TMEM232: variants seen among roughly 807,000 people sequenced by gnomAD.
The protein encoded by TMEM232 is transmembrane protein 232.
In TMEM232, 80 loss-of-function variants were observed where a neutral mutation model predicts 78.8. The observed-to-expected ratio is 1.01, with a 90% CI of 0.85 to 1.22. The LOEUF (loss-of-function observed/expected upper bound fraction) is 1.22, where lower values mean the gene tolerates loss of function less well. Ranked by LOEUF, TMEM232 falls within the 50% of genes most tolerant of loss-of-function variation. The probability of loss-of-function intolerance (pLI) is 0.00; values close to 1 mark genes in which losing one functional copy is unlikely to be tolerated. For synonymous variants in TMEM232, 297 were observed against 254.3 expected, an observed-to-expected ratio of 1.17 and a Z score of -1.60; for missense variants, 881 against 742.2, an observed-to-expected ratio of 1.19 and a Z score of -2.17.
intron 1 of TMEM232, among the ~76,000 whole-genome samples, chr5:110,669,411 C>A (rs1791064633): frequency 6.6e-6 from 1 of 151,930 alleles, no homozygotes; most frequent in African/African-American, 2.4e-5. Flanking sequence ...ACACATACAC[C>A]CTCCCAAGAC....
intron 1 of TMEM232, among the ~76,000 whole-genome samples, chr5:110,723,777 T>A (rs954127891): frequency 6.6e-6 from 1 of 152,202 alleles, no homozygotes; most frequent in Non-Finnish European, 1.5e-5. Flanking sequence ...TTTGCAACTA[T>A]GAGTTCTAGC....
intron 12 of TMEM232, among the ~76,000 whole-genome samples, chr5:110,441,739 C>T (rs748247982): frequency 2.6e-5 from 4 of 152,166 alleles, no homozygotes; most frequent in Admixed American, 1.3e-4. Flanking sequence ...TGGACTTTGG[C>T]TAACAGCCAG....
chr5:110,556,143 C>A (rs954974141), intron 11 of TMEM232, among the ~76,000 whole-genome samples: 1 of 152,068 alleles, frequency 6.6e-6, no homozygotes, highest in Admixed American at 6.6e-5. Context: ...CCATGTTTAG[C>A]ACTCCCTTGA....
chr5:110,576,736 C>T (rs181160819), intron 10 of TMEM232, among the ~76,000 whole-genome samples: 1 of 152,122 alleles, frequency 6.6e-6, no homozygotes, highest in Admixed American at 6.6e-5. Flanking sequence ...GACCACACAC[C>T]TACAATTATC....
chr5:110,505,443 T>C (rs1022680672), intron 12 of TMEM232, among the ~76,000 whole-genome samples: 2 of 152,180 alleles, frequency 1.3e-5, no homozygotes, highest in Non-Finnish European at 1.5e-5. Context: ...GCACTGACCA[T>C]AGTAGGAAGA....
chr5:110,622,372 T>C (rs549563300), intron 7 of TMEM232, among the ~76,000 whole-genome samples: 3 of 152,308 alleles, frequency 2.0e-5, no homozygotes, highest in South Asian at 4.1e-4. Context: ...TCCACTGCAT[T>C]GTAGCAGGGT....
chr5:110,612,676 T>C (rs1782457986), intron 8 of TMEM232, among the ~76,000 whole-genome samples: 1 of 152,186 alleles, frequency 6.6e-6, no homozygotes, highest in Admixed American at 6.6e-5. Flanking sequence ...AAGACAGTTT[T>C]AAATTGTCAA....
intron 5 of TMEM232, among the ~76,000 whole-genome samples, 153 bp downstream of exon 5, chr5:110,638,045 G>A (rs573924931): frequency 7.2e-5 from 11 of 151,836 alleles, no homozygotes; most frequent in African/African-American, 2.4e-4. Flanking sequence ...CAATAATAAC[G>A]TACTACTCAC....
At chr5:110,562,282 A>G (rs1419511526) in intron 11 of TMEM232, among the ~76,000 whole-genome samples, 1 of 152,060 alleles carries the variant, frequency 6.6e-6, no homozygotes, top group Non-Finnish European at 1.5e-5. Flanking sequence ...TCCAGATTTA[A>G]TGCCCATGAA....
chr5:110,669,426 C>T (rs1791067174), intron 1 of TMEM232, among the ~76,000 whole-genome samples: 1 of 152,094 alleles, frequency 6.6e-6, no homozygotes, highest in South Asian at 2.1e-4. Context: ...CAAGACTAAA[C>T]CAGGAAGAAG....
chr5:110,584,382 G>C (rs1778562984), intron 10 of TMEM232, among the ~76,000 whole-genome samples: 1 of 151,998 alleles, frequency 6.6e-6, no homozygotes, highest in Non-Finnish European at 1.5e-5. Context: ...ATTACGCTAA[G>C]TGAATTAAGC....
At chr5:110,612,166 A>T (rs1424173722) in intron 8 of TMEM232, among the ~76,000 whole-genome samples, 2 of 152,196 alleles carry the variant, frequency 1.3e-5, no homozygotes, top group Admixed American at 1.3e-4. Context: ...TTATCTCGAT[A>T]TAACTGCTAA....
chr5:110,505,552 G>A (rs1171963943), intron 12 of TMEM232, among the ~76,000 whole-genome samples: 1 of 152,076 alleles, frequency 6.6e-6, no homozygotes, highest in Non-Finnish European at 1.5e-5. Flanking sequence ...TGTCACCCAG[G>A]CTGAAATGCA....
chr5:110,389,525 C>A (rs1175915808), intron 4 of TMEM232, among the ~76,000 whole-genome samples: 5 of 152,156 alleles, frequency 3.3e-5, no homozygotes, highest in Non-Finnish European at 5.9e-5. Context: ...ACTTGATAAA[C>A]CTCGGTGAAA....
chr5:110,440,932 G>A (rs2112754431), intron 12 of TMEM232, among the ~76,000 whole-genome samples: 1 of 152,272 alleles, frequency 6.6e-6, no homozygotes, highest in East Asian at 1.9e-4. Context: ...ATAGAAGCTT[G>A]CCTCCATCTG....
intron 1 of TMEM232, among the ~76,000 whole-genome samples, chr5:110,696,684 G>T (rs1340702291): frequency 6.6e-6 from 1 of 152,154 alleles, no homozygotes; most frequent in African/African-American, 2.4e-5. Flanking sequence ...AATCATGAGT[G>T]AACTCCCATT....
downstream of TMEM232, among the ~76,000 whole-genome samples, chr5:110,415,422 C>G (rs1048172895): frequency 6.6e-6 from 1 of 151,694 alleles, no homozygotes. Flanking sequence ...TCTCCTGACC[C>G]GTGTTCCACC....
intron 2 of TMEM232, among the ~76,000 whole-genome samples, chr5:110,662,812 T>C (rs1464453587): frequency 6.6e-6 from 1 of 152,168 alleles, no homozygotes; most frequent in Non-Finnish European, 1.5e-5. Context: ...GTGCTTAATA[T>C]TATTTACAAA....
chr5:110,681,127 G>T (rs1792697142), intron 1 of TMEM232, among the ~76,000 whole-genome samples: 1 of 152,150 alleles, frequency 6.6e-6, no homozygotes. Flanking sequence ...GTTCATAAAA[G>T]CCAGGGGAGG....
Sources: gnomAD v4.1 joint callset for allele counts (sites outside exome capture counted in the v4.1 genomes callset) on GRCh38, gnomAD v4.1.1 for gene constraint, MANE v1.5 for transcripts, NCBI Gene and HGNC (gene_info 2026-07-23, HGNC 2026-07-21) for gene names.